The following OGDH variants were observed in gnomAD, a reference collection of about 807,000 sequenced individuals.
OGDH encodes 2-oxoglutarate dehydrogenase complex component E1.
In OGDH, 38 loss-of-function variants were observed where a neutral mutation model predicts 116.6. That is an observed-to-expected ratio of 0.33 (90% CI 0.25 to 0.43). The LOEUF is 0.43. Among genes scored for constraint, OGDH ranks in the 20% least tolerant of loss-of-function variants. The probability of loss-of-function intolerance (pLI) is 1.00; values close to 1 mark genes in which losing one functional copy is unlikely to be tolerated. For missense variants in OGDH, 825 were observed against 1,357.2 expected, an observed-to-expected ratio of 0.61 and a Z score of 6.16; for synonymous variants, 488 against 533.3, an observed-to-expected ratio of 0.92 and a Z score of 1.17.
chr7:44,673,294 G>A (rs989743958), intron 5 of OGDH, among the ~76,000 whole-genome samples: 5 of 152,184 alleles, frequency 3.3e-5, no homozygotes, highest in South Asian at 4.1e-4. Context: ...CTCCCGCCTC[G>A]ATGACAGAGA....
chr7:44,694,662 T>C lies in OGDH; in HGVS notation c.1668+86T>C. On this transcript the variant is annotated intron_variant, in intron 12 of 22. Coordinates refer to ENST00000222673, the MANE Select transcript of OGDH (RefSeq NM_002541.4). This position sits in a 1 kb window ranked among gnomAD's most constrained non-coding sequence, Gnocchi z 4.2. Reference sequence around the variant, plus strand: ...TGGGCCACAGGGCCAGTTCTCACTTTTGCCAGTTATGAGGATACACGTGAG... The same window carrying C: ...TGGGCCACAGGGCCAGTTCTCACTTCTGCCAGTTATGAGGATACACGTGAG... 1.3e-6 allele frequency: 2 copies of C among 1,502,164 alleles called. No individual in the cohort carries two copies. The highest frequency in any genetic ancestry group is 1.8e-5 in the Admixed American group (1 of 56,618). The allele number at this position is 1,502,164 out of a possible 1,614,324, so 93.1% of individuals were successfully genotyped here.
chr7:44,658,567 G>T (rs1786798154), intron 4 of OGDH, among the ~76,000 whole-genome samples: 1 of 144,600 alleles, frequency 6.9e-6, no homozygotes. Flanking sequence ...TCCTTTTCTT[G>T]CCTTATTACA....
intron 18 of OGDH, 37 bp from the exon 19 acceptor site, chr7:44,700,104 G>A: frequency 6.2e-7 from 1 of 1,612,042 alleles, no homozygotes; most frequent in Non-Finnish European, 8.5e-7. Context: ...ACTCAGTGCT[G>A]TGTCCTGGCC....
At chr7:44,661,671 T>C (rs918948080) in intron 4 of OGDH, among the ~76,000 whole-genome samples, 13 of 152,098 alleles carry the variant, frequency 8.5e-5, no homozygotes, top group African/African-American at 3.1e-4. Flanking sequence ...GGCGTGATCT[T>C]GGTGCACTGC....
intron 9 of OGDH, among the ~76,000 whole-genome samples, chr7:44,678,015 T>A (rs1463784924): frequency 6.6e-6 from 1 of 152,190 alleles, no homozygotes; most frequent in Non-Finnish European, 1.5e-5. Context: ...GAGCCTGGGC[T>A]GGGGAAGTGA....
intron 5 of OGDH, among the ~76,000 whole-genome samples, chr7:44,669,998 T>G (rs1158279055): frequency 6.6e-6 from 1 of 152,136 alleles, no homozygotes; most frequent in Admixed American, 6.6e-5. Flanking sequence ...GAAATTCAAC[T>G]TATTGGCTTC....
At chr7:44,629,015 A>AT (rs1393966179) in intron 2 of OGDH, among the ~76,000 whole-genome samples, 7 of 152,026 alleles carry the variant, frequency 4.6e-5, no homozygotes, top group Non-Finnish European at 1.0e-4. Flanking sequence ...CCCTCTTAAG[A>AT]GCCTTCAGCG....
rs1789126537 is a variant in OGDH, at chr7:44,707,355, G to T, written c.2763G>T (p.Met921Ile). The T allele has an allele frequency of 6.2e-6, 10 of 1,614,268 alleles. No individual in the cohort carries two copies. Among genetic ancestry groups the T allele is most frequent in the Non-Finnish European group, 8.5e-6 (10 of 1,180,052 alleles). ...DLTRERKARD[M>I]VGQVAITRIE... ...CCCGGGAGCGCAAAGCACGCGACATGGTGGGGCAGGTGGCCATCACAAGGA... is the reference window on the plus strand; with the variant it reads ...CCCGGGAGCGCAAAGCACGCGACATTGTGGGGCAGGTGGCCATCACAAGGA... The change falls in exon 21 of 23, where the codon ATG (methionine) becomes ATT (isoleucine). Residue 921 changes from methionine to isoleucine, a missense_variant. By Grantham distance (10) the Met-to-Ile change is conservative (BLOSUM62 1). This residue lies in a region of OGDH where 212 missense variants were observed against 284.3 expected (regional missense o/e 0.75). Coordinates refer to ENST00000222673, the MANE Select transcript of OGDH (RefSeq NM_002541.4). This position sits in a 1 kb window ranked among gnomAD's most constrained non-coding sequence, Gnocchi z 5.2.
chr7:44,623,732 A>G (rs938695059), intron 1 of OGDH, among the ~76,000 whole-genome samples: 3 of 151,194 alleles, frequency 2.0e-5, no homozygotes, highest in Non-Finnish European at 4.4e-5. Flanking sequence ...TGCAGCCTCC[A>G]CCTACCAGGT....
chr7:44,612,422 G>T (rs988881287), intron 1 of OGDH, among the ~76,000 whole-genome samples: 1 of 151,320 alleles, frequency 6.6e-6, no homozygotes, highest in Non-Finnish European at 1.5e-5. Context: ...TTACTCTGTT[G>T]CCCAGGCTGG....
At chr7:44,685,820 C>G (rs1788104001) in intron 10 of OGDH, among the ~76,000 whole-genome samples, 1 of 151,512 alleles carries the variant, frequency 6.6e-6, no homozygotes, top group Non-Finnish European at 1.5e-5. Flanking sequence ...GTTAGGGTCT[C>G]TCTATGTTGC....
At chr7:44,629,941 T>G (rs1785366754) in intron 2 of OGDH, among the ~76,000 whole-genome samples, 2 of 152,216 alleles carry the variant, frequency 1.3e-5, no homozygotes, top group Non-Finnish European at 2.9e-5. Flanking sequence ...TCCTAAAGTG[T>G]GTACATGTGG....
intron 1 of OGDH, among the ~76,000 whole-genome samples, chr7:44,616,353 A>G (rs1784767330): frequency 6.6e-6 from 1 of 152,094 alleles, no homozygotes; most frequent in African/African-American, 2.4e-5. Flanking sequence ...TCTCAGGGAA[A>G]GGGCAGAACA....
intron 2 of OGDH, among the ~76,000 whole-genome samples, chr7:44,634,025 TGTA>T (rs1202311741): frequency 1.2e-4 from 18 of 152,318 alleles, no homozygotes; most frequent in Middle Eastern, 3.4e-3. Context: ...TTGGCACCAG[TGTA>T]GCATGTCTCA....
rs1170096728 is a variant in OGDH at position 44,624,430 on chromosome 7, A to G, written c.87A>G (p.Ala29=). Residue 29 remains alanine (A), a synonymous_variant, in exon 2 of 23, where the codon GCA becomes GCG. Transcript: ENST00000222673. The part of the protein sequence containing the change: ...TVKTFSQNRP[A]AARTFQQIRC... ...AGACATTTTCACAAAACAGACCAGCAGCAGCTAGGACATTTCAACAGATTC... is the reference window on the plus strand; with the variant it reads ...AGACATTTTCACAAAACAGACCAGCGGCAGCTAGGACATTTCAACAGATTC... The G allele has an allele frequency of 6.2e-7, 1 of 1,613,492 alleles. No individual in the cohort carries two copies.
In OGDH at chr7:44,701,526, A is replaced by G. The variant is rs1483792538; in HGVS notation, c.2560-17A>G. 41 of 1,610,364 alleles carry G rather than the reference A, an allele frequency of 2.5e-5. No individual in the cohort carries two copies. The highest frequency in any genetic ancestry group is 4.5e-5 in the East Asian group (2 of 44,856). On this transcript the variant is annotated splice_polypyrimidine_tract_variant and intron_variant, in intron 19 of 22. Transcript: ENST00000222673. ...TCAGAATCTGATCCTTCACGAGCCT[A>G]TTGTTCTGTATTTCAGTTAATTATC...
chr7:44,682,806 T>C (rs1335432128), intron 10 of OGDH, among the ~76,000 whole-genome samples: 7 of 151,842 alleles, frequency 4.6e-5, no homozygotes, highest in African/African-American at 1.7e-4. Context: ...TGAGCCATGA[T>C]TATGCCACTG....
intron 18 of OGDH, among the ~76,000 whole-genome samples, chr7:44,698,738 G>A (rs531580117): frequency 3.3e-4 from 50 of 152,054 alleles, no homozygotes; most frequent in Middle Eastern, 3.4e-3. Context: ...CTACTTGGGA[G>A]GCTGAGGTGG....
At chr7:44,671,451 G>A (rs945233503) in intron 5 of OGDH, among the ~76,000 whole-genome samples, 2 of 152,132 alleles carry the variant, frequency 1.3e-5, no homozygotes, top group Non-Finnish European at 1.5e-5. Flanking sequence ...GTTTGTGGGG[G>A]AACAAACGGG....
Sources: allele counts gnomAD v4.1 joint callset (sites outside exome capture counted in the v4.1 genomes callset), GRCh38; gene constraint gnomAD v4.1.1; regional missense constraint gnomAD v4.1.1; non-coding constraint Gnocchi (gnomAD v3.1); transcripts MANE v1.5; gene names NCBI Gene and HGNC (gene_info 2026-07-23, HGNC 2026-07-21).